WWOX: variants seen among roughly 807,000 people sequenced by gnomAD.
WWOX encodes the protein WW domain-containing oxidoreductase.
A neutral mutation model predicts 46.2 loss-of-function variants in WWOX; 69 were observed. The ratio of observed to expected loss-of-function variants is 1.49; its 90% CI spans 1.23 to 1.82. The LOEUF is 1.82. WWOX is among the 40% of genes most tolerant of loss of function. The pLI is 0.00. For missense variants in WWOX, 919 were observed against 542.6 expected (o/e 1.69, Z -6.89); for synonymous variants, 359 against 202.6 (o/e 1.77, Z -6.56).
intron 8 of WWOX, among the ~76,000 whole-genome samples, chr16:78,464,433 A>G (rs1281762169): frequency 1.3e-5 from 2 of 152,172 alleles, no homozygotes; most frequent in Non-Finnish European, 2.9e-5. Context: ...CTCCGTTTCT[A>G]GTAGTCCACA....
At chr16:78,538,360 C>T (rs953630159) in intron 8 of WWOX, among the ~76,000 whole-genome samples, 1 of 151,810 alleles carries the variant, frequency 6.6e-6, no homozygotes, top group South Asian at 2.1e-4. Context: ...TATACATTGA[C>T]GTTTGTTTAA....
At chr16:78,355,723 T>G (rs2081271902) in intron 5 of WWOX, 1 of 742,188 alleles carries the variant, frequency 1.3e-6, no homozygotes, top group South Asian at 1.3e-5. Flanking sequence ...CTATAGAAAT[T>G]GATGAGGAAA....
chr16:78,457,952 C>T (rs1275260025), intron 8 of WWOX, among the ~76,000 whole-genome samples: 1 of 146,544 alleles, frequency 6.8e-6, no homozygotes, highest in Admixed American at 6.8e-5. Context: ...GTGGCAGGTG[C>T]CTGTAATCAC....
At chr16:79,211,165 G>T (rs1300949009) in intron 8 of WWOX, among the ~76,000 whole-genome samples, 1 of 152,036 alleles carries the variant, frequency 6.6e-6, no homozygotes, top group East Asian at 1.9e-4. Flanking sequence ...CTACCTGATG[G>T]ACCACAATTA....
intron 8 of WWOX, among the ~76,000 whole-genome samples, chr16:78,698,539 T>A (rs2048147359): frequency 6.6e-6 from 1 of 152,258 alleles, no homozygotes; most frequent in South Asian, 2.1e-4. Context: ...TAGAATAATG[T>A]TTCATCTCAT....
intron 8 of WWOX, among the ~76,000 whole-genome samples, chr16:78,543,690 G>T (rs1381963458): frequency 6.6e-6 from 1 of 152,120 alleles, no homozygotes; most frequent in African/African-American, 2.4e-5. Context: ...TAAGACCCAA[G>T]ACCTTAACTT....
rs13336765 is a variant in WWOX at position 78,924,792 on chromosome 16, C to T, written c.1057-286816C>T. Among the ~76,000 whole-genome samples, 1,148 of 152,310 alleles carry T rather than the reference C, an allele frequency of 7.5e-3. 11 individuals carry two copies. Among genetic ancestry groups the T allele is most frequent in the African/African-American group, 0.022 (935 of 41,556 alleles). ...AAGTATTTCTGTAATACCTTATAGACATCTCTTTTAGACTACTAGTGATTG... is the reference window on the plus strand; with the variant it reads ...AAGTATTTCTGTAATACCTTATAGATATCTCTTTTAGACTACTAGTGATTG... On this transcript the variant is annotated intron_variant, in intron 8 of 8. Coordinates refer to ENST00000566780, the MANE Select transcript of WWOX (RefSeq NM_016373.4).
intron 8 of WWOX, among the ~76,000 whole-genome samples, chr16:79,057,584 TG>T (rs11320117): frequency 0.6 from 90,901 of 151,532 alleles, 27,961 homozygotes; most frequent in African/African-American, 0.72. Context: ...TTGGTGATTT[TG>T]GGGGGGGCAC....
At chr16:78,454,762 G>A (rs1369164075) in intron 8 of WWOX, among the ~76,000 whole-genome samples, 1 of 152,156 alleles carries the variant, frequency 6.6e-6, no homozygotes, top group Non-Finnish European at 1.5e-5. Flanking sequence ...CTCCCAAAGT[G>A]CTGGGATTGC....
intron 8 of WWOX, among the ~76,000 whole-genome samples, chr16:78,518,983 TCTGAG>T (rs539122304): frequency 3.9e-4 from 59 of 152,362 alleles, no homozygotes; most frequent in African/African-American, 1.4e-3. Flanking sequence ...TTTACTGTCT[TCTGAG>T]CTGATTTCTC....
chr16:78,793,267 C>T (rs921245192), intron 8 of WWOX, among the ~76,000 whole-genome samples: 1 of 152,062 alleles, frequency 6.6e-6, no homozygotes, highest in Admixed American at 6.5e-5. Context: ...TGCCATGTTG[C>T]ACTGGCTGGT....
chr16:78,330,845 G>C (rs983788821), intron 5 of WWOX, among the ~76,000 whole-genome samples: 2 of 152,198 alleles, frequency 1.3e-5, no homozygotes, highest in African/African-American at 4.8e-5. Context: ...CCTGGAAACA[G>C]AAGAAAATAA....
At chr16:78,886,071 C>G (rs943442713) in intron 8 of WWOX, among the ~76,000 whole-genome samples, 2 of 151,656 alleles carry the variant, frequency 1.3e-5, no homozygotes, top group South Asian at 4.2e-4. Flanking sequence ...ATTACAGGTG[C>G]TCGCCACCAC....
At chr16:78,865,205 A>C (rs2043977495) in intron 8 of WWOX, among the ~76,000 whole-genome samples, 2 of 152,144 alleles carry the variant, frequency 1.3e-5, no homozygotes, top group African/African-American at 4.8e-5. Flanking sequence ...TGTTTAAGAG[A>C]ATGATTTAGG....
intron 8 of WWOX, among the ~76,000 whole-genome samples, chr16:78,717,218 T>G (rs1301827657): frequency 3.3e-5 from 5 of 152,184 alleles, no homozygotes; most frequent in Admixed American, 3.3e-4. Flanking sequence ...TTTTTTAAAT[T>G]TAATTTAAAT....
intron 8 of WWOX, among the ~76,000 whole-genome samples, chr16:79,141,479 A>G (rs1387893923): frequency 6.6e-6 from 1 of 152,244 alleles, no homozygotes; most frequent in Non-Finnish European, 1.5e-5. Context: ...CAGGGTTCAC[A>G]GACCTGTCAA....
At chr16:78,463,980 G>A (rs2084014598) in intron 8 of WWOX, among the ~76,000 whole-genome samples, 1 of 152,132 alleles carries the variant, frequency 6.6e-6, no homozygotes, top group Non-Finnish European at 1.5e-5. Flanking sequence ...GGGAACAGAA[G>A]TCTTAGGTTG....
intron 5 of WWOX, among the ~76,000 whole-genome samples, chr16:78,375,782 A>G (rs1033315982): frequency 2.0e-5 from 3 of 152,190 alleles, no homozygotes; most frequent in Non-Finnish European, 2.9e-5. Context: ...GGCCAACAAA[A>G]CAAAACAAAA....
At chr16:78,421,080 A>G (rs928878750) in intron 6 of WWOX, among the ~76,000 whole-genome samples, 22 of 152,164 alleles carry the variant, frequency 1.4e-4, no homozygotes, top group Admixed American at 9.8e-4. Flanking sequence ...GTCATTATGG[A>G]TTCTTGGGCA....
Sources: gnomAD v4.1 joint callset for allele counts (sites outside exome capture counted in the v4.1 genomes callset) on GRCh38, gnomAD v4.1.1 for gene constraint, MANE v1.5 for transcripts, NCBI Gene and HGNC (gene_info 2026-07-23, HGNC 2026-07-21) for gene names.